PAX7: variants seen among roughly 807,000 people sequenced by gnomAD.
PAX7 encodes the protein paired box 7.
A neutral mutation model predicts 50.7 loss-of-function variants in PAX7; 18 were observed. That is an observed-to-expected ratio of 0.36 (90% confidence interval 0.25 to 0.53). The LOEUF (loss-of-function observed/expected upper bound fraction) is 0.53. PAX7 is among the 20% of genes least tolerant of loss of function. The probability of loss-of-function intolerance (pLI) is 0.93; values close to 1 mark genes in which losing one functional copy is unlikely to be tolerated. For missense variants in PAX7, 644 were observed against 702.9 expected, an observed-to-expected ratio of 0.92 and a Z score of 0.95; for synonymous variants, 310 against 290.4, an observed-to-expected ratio of 1.07 and a Z score of -0.69.
Position 18,745,452 on chromosome 1 carries a change from C to T in PAX7, c.*523C>T, listed in dbSNP as rs747122933. 6 of 233,478 alleles carry T rather than the reference C, an allele frequency of 2.6e-5. No individual in the cohort carries two copies. The highest frequency in any genetic ancestry group is 4.2e-5 in the Non-Finnish European group (5 of 118,374). The allele number at this position is 233,478 out of a possible 1,614,324, so 14.5% of individuals were successfully genotyped here. On this transcript the variant is annotated 3_prime_UTR_variant, in exon 9 of 9. Transcript: ENST00000420770. ...TTTCCTCCTCTAGACATTGGGACTC[C>T]AGCAAAGAGGGGACCCTGGCCCTGG... is the stretch of plus-strand genomic sequence containing the variant.
intron 7 of PAX7, among the ~76,000 whole-genome samples, chr1:18,707,470 A>T (rs1203713624): frequency 8.4e-6 from 1 of 119,268 alleles, no homozygotes; most frequent in Non-Finnish European, 1.6e-5. Context: ...CCCAGGCTGG[A>T]GTGCAGTGGC....
intron 8 of PAX7, among the ~76,000 whole-genome samples, chr1:18,744,439 G>GATGA (rs1931310308): frequency 6.8e-6 from 1 of 146,670 alleles, no homozygotes; most frequent in South Asian, 2.3e-4. Flanking sequence ...AGGATGGATG[G>GATGA]ATGGATGGAT....
intron 7 of PAX7, among the ~76,000 whole-genome samples, chr1:18,727,727 C>G (rs1051373089): frequency 6.6e-6 from 1 of 152,108 alleles, no homozygotes; most frequent in African/African-American, 2.4e-5. Flanking sequence ...TGGAGGGCTT[C>G]GAGGGTGACA....
chr1:18,706,020 CA>C (rs752114861), intron 7 of PAX7, among the ~76,000 whole-genome samples: 14 of 152,108 alleles, frequency 9.2e-5, no homozygotes, highest in Non-Finnish European at 1.9e-4. Context: ...ATGTAAACCG[CA>C]GAGGTTAACC....
intron 4 of PAX7, among the ~76,000 whole-genome samples, chr1:18,679,868 C>T (rs1445005673): frequency 1.3e-5 from 2 of 152,162 alleles, no homozygotes; most frequent in African/African-American, 2.4e-5. Context: ...TTGTGTTTTG[C>T]GCCAGGCAAC....
At chr1:18,713,215 C>T (rs1570212795) in intron 7 of PAX7, among the ~76,000 whole-genome samples, 1 of 152,242 alleles carries the variant, frequency 6.6e-6, no homozygotes, top group African/African-American at 2.4e-5. Context: ...GGAGTAGAGG[C>T]CTGGTATAAA....
At position 18,735,821 on chromosome 1, in the gene PAX7, A is replaced by T. The variant is rs1200408774; in HGVS notation, c.1345A>T (p.Thr449Ser). The T allele has an allele frequency of 6.2e-7, 1 of 1,614,012 alleles. No individual in the cohort carries two copies. Among genetic ancestry groups the T allele is most frequent in the African/African-American group, 1.3e-5 (1 of 75,020 alleles). The change falls in exon 8 of 9, where the codon ACC becomes TCC. Residue 449 changes from threonine (T) to serine (S), a missense_variant. Transcript: ENST00000420770. This position sits in a 1 kb window ranked among gnomAD's most constrained non-coding sequence, Gnocchi z 4.0. ...SQAYCPPTYS[T>S]TGYSVDPVAG... is the part of the protein sequence containing the mutation. The stretch of plus-strand genomic sequence containing the variant: ...GGCCTACTGCCCACCCACCTACAGC[A>T]CCACCGGCTACAGCGTGGACCCCGT...
chr1:18,639,395 A>ATTTTTTTT (rs3079731), intron 4 of PAX7, among the ~76,000 whole-genome samples: 114 of 149,314 alleles, frequency 7.6e-4, no homozygotes, highest in African/African-American at 2.5e-3. Context: ...GGCTGTTCAT[A>ATTTTTTTT]TTTTTTTTTT....
rs1376907007 is a variant in PAX7 at position 18,634,860 on chromosome 1, G to A, written c.322-251G>A. ...CCTGAGATAATGACGGGGACCCTGGGGGTCCTAATTAGAGTTTTTTATTGC... is the reference window on the plus strand; with the variant it reads ...CCTGAGATAATGACGGGGACCCTGGAGGTCCTAATTAGAGTTTTTTATTGC... On this transcript the variant is annotated intron_variant, in intron 2 of 8. Transcript: ENST00000420770. The surrounding 1 kb of genome is among the most constrained non-coding windows in gnomAD (Gnocchi z 4.0). Among the ~76,000 whole-genome samples, 1 of 152,086 alleles carries A rather than the reference G, an allele frequency of 6.6e-6. No homozygotes were observed. The highest frequency in any genetic ancestry group is 1.5e-5 in the Non-Finnish European group (1 of 68,002).
chr1:18,712,913 C>A (rs2089373766), intron 7 of PAX7, among the ~76,000 whole-genome samples: 1 of 152,056 alleles, frequency 6.6e-6, no homozygotes, highest in Non-Finnish European at 1.5e-5. Flanking sequence ...GAAACCCCCC[C>A]TCTACTAAAA....
chr1:18,688,558 A>G (rs2089010950), intron 4 of PAX7, among the ~76,000 whole-genome samples: 1 of 152,220 alleles, frequency 6.6e-6, no homozygotes, highest in African/African-American at 2.4e-5. Context: ...CATCGCAGAA[A>G]CTTCTATTGG....
rs78044081 is a variant in PAX7 at position 18,725,310 on chromosome 1, C to G, written c.1156-10322C>G. Among the ~76,000 whole-genome samples, 172 of 45,302 alleles carry G rather than the reference C, an allele frequency of 3.8e-3. 6 individuals carry two copies. Among genetic ancestry groups the G allele is most frequent in the African/African-American group, 7.3e-3 (51 of 6,974 alleles). 29.7% of individuals were successfully genotyped at this position (45,302 alleles called of 152,430 possible). On this transcript the variant is annotated intron_variant, in intron 7 of 8. Transcript: ENST00000420770. ...ATTACAGAGGTGGAGACGCCCCCCC[C>G]CCGCCCCACCAACACCGCCAGGCCA...
rs375373972 is a variant in PAX7, at chr1:18,728,102, T to G, written c.1156-7530T>G. The stretch of plus-strand genomic sequence containing the variant: ...GGGGCTGGGAACAGGCAGCCGCCAG[T>G]AGGGGCATGCGTGTGTCTGGGTGTC... On this transcript the variant is annotated intron_variant, in intron 7 of 8. Coordinates refer to ENST00000420770, the MANE Select transcript of PAX7 (RefSeq NM_001135254.2). Among the ~76,000 whole-genome samples the G allele has an allele frequency of 1.1e-4, 16 of 152,108 alleles. No individual in the cohort carries two copies. The East Asian group carries it at 2.9e-3, about 28-fold the overall frequency.
At chr1:18,708,661 A>T (rs1408720315) in intron 7 of PAX7, among the ~76,000 whole-genome samples, 7 of 152,140 alleles carry the variant, frequency 4.6e-5, no homozygotes, top group Non-Finnish European at 1.5e-5. Flanking sequence ...ATCCCTTCAT[A>T]CCAGCCCCTG....
intron 4 of PAX7, among the ~76,000 whole-genome samples, chr1:18,674,102 A>G (rs895006341): frequency 2.0e-5 from 3 of 152,252 alleles, no homozygotes; most frequent in Non-Finnish European, 4.4e-5. Context: ...AGATCTGGCC[A>G]TATAGGAGGA....
intron 4 of PAX7, among the ~76,000 whole-genome samples, chr1:18,689,017 T>C (rs1336514107): frequency 6.6e-6 from 1 of 152,170 alleles, no homozygotes; most frequent in Non-Finnish European, 1.5e-5. Flanking sequence ...AGGGCCTGTG[T>C]CTGCCCTCAT....
intron 4 of PAX7, among the ~76,000 whole-genome samples, chr1:18,683,192 C>G (rs1379508168): frequency 6.6e-6 from 1 of 152,208 alleles, no homozygotes; most frequent in Non-Finnish European, 1.5e-5. Flanking sequence ...CTCCTAGATA[C>G]TGGGACTGAG....
chr1:18,648,850 A>G (rs1056797237), intron 4 of PAX7, among the ~76,000 whole-genome samples: 1 of 152,138 alleles, frequency 6.6e-6, no homozygotes, highest in Admixed American at 6.5e-5. Context: ...ACCAGCTAGG[A>G]GGTCAAGGCT....
At chr1:18,703,362 C>G in intron 7 of PAX7, 66 bp downstream of exon 7, 1 of 1,431,126 alleles carries the variant, frequency 7.0e-7, no homozygotes, top group South Asian at 1.1e-5. Flanking sequence ...GCAGACAGCA[C>G]GTGGGTGGAA....
Sources: gnomAD v4.1 joint callset for allele counts (sites outside exome capture counted in the v4.1 genomes callset) on GRCh38, gnomAD v4.1.1 for gene constraint, Gnocchi (gnomAD v3.1) non-coding constraint, MANE v1.5 for transcripts, NCBI Gene and HGNC (gene_info 2026-07-23, HGNC 2026-07-21) for gene names.